The following NRXN3 variants were observed in gnomAD, a reference collection of about 807,000 sequenced individuals.
NRXN3 encodes the protein neurexin 3.
NRXN3 carries 32 observed loss-of-function variants against 137.6 expected under a neutral mutation model. The ratio of observed to expected loss-of-function variants is 0.23; its 90% CI spans 0.18 to 0.31. The LOEUF (loss-of-function observed/expected upper bound fraction) is 0.31. NRXN3 is among the 10% of genes least tolerant of loss of function. The probability of loss-of-function intolerance (pLI) is 1.00; values close to 1 mark genes in which losing one functional copy is unlikely to be tolerated. For synonymous variants in NRXN3, 798 were observed against 784.5 expected (o/e 1.02, Z -0.29); for missense variants, 1,574 against 2,062.5 (o/e 0.76, Z 4.59).
At chr14:78,615,777 A>G (rs188671181) in intron 4 of NRXN3, among the ~76,000 whole-genome samples, 9 of 152,078 alleles carry the variant, frequency 5.9e-5, no homozygotes, top group African/African-American at 2.2e-4. Context: ...TCTACCCCCA[A>G]AAAAAACAAA....
At chr14:78,453,569 C>T (rs1198023879) in intron 4 of NRXN3, among the ~76,000 whole-genome samples, 1 of 152,164 alleles carries the variant, frequency 6.6e-6, no homozygotes, top group Non-Finnish European at 1.5e-5. Context: ...TTCCTTTTTC[C>T]AGCATAAGAA....
At chr14:79,043,922 T>A (rs562685279) in intron 15 of NRXN3, among the ~76,000 whole-genome samples, 1 of 152,302 alleles carries the variant, frequency 6.6e-6, no homozygotes, top group African/African-American at 2.4e-5. Context: ...TGGACTGGAT[T>A]CTTTTTTGAT....
intron 8 of NRXN3, among the ~76,000 whole-genome samples, chr14:78,761,331 T>G (rs574836735): frequency 3.4e-4 from 52 of 152,310 alleles, no homozygotes; most frequent in Admixed American, 3.4e-3. Flanking sequence ...AAGTCAAGAT[T>G]AATGATTCCT....
At chr14:79,234,293 A>AATATACATATATAT (rs1361214154) in intron 15 of NRXN3, among the ~76,000 whole-genome samples, 1 of 56,188 alleles carries the variant, frequency 1.8e-5, no homozygotes, top group East Asian at 7.0e-4. Context: ...TTCAATGGTA[A>AATATACATATATAT]ATATATATAT....
chr14:79,122,479 A>G (rs909073082), intron 15 of NRXN3, among the ~76,000 whole-genome samples: 2 of 152,198 alleles, frequency 1.3e-5, no homozygotes, highest in Non-Finnish European at 2.9e-5. Context: ...TAGCACTCTC[A>G]TTTCCAGATA....
chr14:78,448,036 T>C (rs1449207749), intron 4 of NRXN3, among the ~76,000 whole-genome samples: 1 of 152,180 alleles, frequency 6.6e-6, no homozygotes, highest in Non-Finnish European at 1.5e-5. Flanking sequence ...GGGTGTATCT[T>C]CTTCATCTCT....
At chr14:79,735,415 C>G (rs904741127) in intron 19 of NRXN3, among the ~76,000 whole-genome samples, 4 of 152,078 alleles carry the variant, frequency 2.6e-5, no homozygotes, top group African/African-American at 9.7e-5. Context: ...AGAGAAGCAT[C>G]CCTTGAAAAA....
At chr14:79,346,368 C>T (rs910529286) in intron 15 of NRXN3, among the ~76,000 whole-genome samples, 19 of 152,236 alleles carry the variant, frequency 1.2e-4, no homozygotes, top group Admixed American at 9.2e-4. Flanking sequence ...TTGCAGTGAG[C>T]AGAGATCATG....
chr14:79,509,278 G>A (rs751430438), intron 16 of NRXN3, among the ~76,000 whole-genome samples: 6 of 152,078 alleles, frequency 3.9e-5, no homozygotes, highest in Non-Finnish European at 1.5e-5. Flanking sequence ...AGGCCAAAGC[G>A]AGCAGATCAC....
At chr14:79,713,694 G>A (rs1327024697) in intron 19 of NRXN3, among the ~76,000 whole-genome samples, 1 of 149,066 alleles carries the variant, frequency 6.7e-6, no homozygotes, top group African/African-American at 2.5e-5. Flanking sequence ...TCTAACCCAA[G>A]GCAAAATGTT....
intron 19 of NRXN3, among the ~76,000 whole-genome samples, chr14:79,777,433 C>T (rs996267012): frequency 6.7e-6 from 1 of 149,324 alleles, no homozygotes; most frequent in African/African-American, 2.5e-5. Flanking sequence ...AAATGTGTTT[C>T]AAACTGTAGT....
intron 4 of NRXN3, among the ~76,000 whole-genome samples, chr14:78,476,723 T>C (rs1192210787): frequency 1.3e-5 from 2 of 152,176 alleles, no homozygotes; most frequent in Non-Finnish European, 2.9e-5. Flanking sequence ...CCTGAGATAA[T>C]TCAAAATGCA....
At chr14:79,274,731 T>G (rs1201391424) in intron 15 of NRXN3, among the ~76,000 whole-genome samples, 1 of 152,198 alleles carries the variant, frequency 6.6e-6, no homozygotes, top group African/African-American at 2.4e-5. Flanking sequence ...TAAAGTAATG[T>G]GTATAAGTTT....
intron 15 of NRXN3, among the ~76,000 whole-genome samples, chr14:79,103,118 C>G (rs1206310786): frequency 2.6e-5 from 4 of 152,162 alleles, no homozygotes; most frequent in African/African-American, 4.8e-5. Context: ...CTTCTCTGTA[C>G]ACCTTGCTGC....
intron 15 of NRXN3, among the ~76,000 whole-genome samples, chr14:79,394,835 A>C (rs577316851): frequency 1.3e-5 from 2 of 152,210 alleles, no homozygotes; most frequent in South Asian, 4.2e-4. Context: ...ATTTATGAGG[A>C]CTCTGAGATT....
intron 16 of NRXN3, among the ~76,000 whole-genome samples, chr14:79,566,576 CAG>C (rs373205458): frequency 3.9e-5 from 6 of 152,242 alleles, no homozygotes; most frequent in Non-Finnish European, 7.4e-5. Flanking sequence ...CATTGCATTA[CAG>C]AGTCATACAA....
At chr14:79,280,831 C>T (rs2081163835) in intron 15 of NRXN3, 1 of 359,892 alleles carries the variant, frequency 2.8e-6, no homozygotes, top group Non-Finnish European at 5.2e-6. Flanking sequence ...ACCTTCTACT[C>T]TCTCCACCCC....
chr14:79,619,890 G>A lies in NRXN3; in HGVS notation c.3445-43888G>A, dbSNP rs142147286. ...CATTTGAGTGGTCTGTGGGTTTTTAGAAGTTATTCACAGAAACGAGGCTCC... is the reference window on the plus strand; with the variant it reads ...CATTTGAGTGGTCTGTGGGTTTTTAAAAGTTATTCACAGAAACGAGGCTCC... On this transcript the variant is annotated intron_variant, in intron 16 of 20. Transcript: ENST00000335750. Among the ~76,000 whole-genome samples the A allele has an allele frequency of 9.2e-5, 14 of 152,208 alleles. No individual in the cohort carries two copies. The East Asian group carries it at 2.5e-3, about 27-fold the overall frequency.
At chr14:78,813,073 G>A (rs1399134116) in intron 10 of NRXN3, among the ~76,000 whole-genome samples, 1 of 152,034 alleles carries the variant, frequency 6.6e-6, no homozygotes, top group African/African-American at 2.4e-5. Flanking sequence ...TGGAGTAAAA[G>A]TTTAAATTGA....
Sources: allele counts gnomAD v4.1 joint callset (sites outside exome capture counted in the v4.1 genomes callset), GRCh38; gene constraint gnomAD v4.1.1; transcripts MANE v1.5; gene names NCBI Gene and HGNC (gene_info 2026-07-23, HGNC 2026-07-21).